The following CADPS variants were observed in gnomAD, a reference collection of about 807,000 sequenced individuals.
CADPS encodes calcium dependent secretion activator, also known as calcium-dependent secretion activator 1.
Under a neutral mutation model 167.3 loss-of-function variants are expected in CADPS, and 57 were observed. The ratio of observed to expected loss-of-function variants is 0.34; its 90% CI spans 0.28 to 0.42. The LOEUF is 0.42. CADPS is among the 20% of genes least tolerant of loss of function. The pLI is 1.00. For missense variants in CADPS, 1,414 were observed against 1,738.1 expected, an observed-to-expected ratio of 0.81 and a Z score of 3.32; for synonymous variants, 676 against 635.3, an observed-to-expected ratio of 1.06 and a Z score of -0.96.
Position 62,801,022 on chromosome 3 carries a change from T to G in CADPS, c.442-35038A>C, listed in dbSNP as rs1235985582. On this transcript the variant is annotated intron_variant, in intron 1 of 29. Transcript: ENST00000383710. ...TAAGAGTAGAGTCAAGTCAGTCAAA[T>G]GGATCTTGATTTAAGTCCTGGTTTC... is the stretch of plus-strand genomic sequence containing the variant. Among the ~76,000 whole-genome samples, 5 of 152,260 alleles carry G rather than the reference T, an allele frequency of 3.3e-5. No individual in the cohort carries two copies. The East Asian group carries it at 9.7e-4, about 29-fold the overall frequency.
In CADPS at chr3:62,478,254, T is replaced by C. The variant is rs780329307; in HGVS notation, c.3329+7A>G. Reference sequence around the variant, plus strand: ...TGTGCAGAACCTGTCCAGCCACCTATACTTACCTTTTGACACAAGATTCGA... The same window carrying C: ...TGTGCAGAACCTGTCCAGCCACCTACACTTACCTTTTGACACAAGATTCGA... On this transcript the variant is annotated splice_region_variant and intron_variant, in intron 23 of 29. Transcript: ENST00000383710. The surrounding 1 kb of genome is among the most constrained non-coding windows in gnomAD (Gnocchi z 5.7). 2 of 1,613,580 alleles carry C rather than the reference T, an allele frequency of 1.2e-6. No homozygotes were observed. The highest frequency in any genetic ancestry group is 1.3e-5 in the African/African-American group (1 of 75,022).
chr3:62,820,484 A>T (rs2094850523), intron 1 of CADPS, among the ~76,000 whole-genome samples: 1 of 152,092 alleles, frequency 6.6e-6, no homozygotes, highest in Non-Finnish European at 1.5e-5. Context: ...TTCAGAGCCT[A>T]CTGTATGAAG....
At chr3:62,827,459 G>T (rs2074276584) in intron 1 of CADPS, among the ~76,000 whole-genome samples, 1 of 152,144 alleles carries the variant, frequency 6.6e-6, no homozygotes, top group Non-Finnish European at 1.5e-5. Context: ...AGATAACTGA[G>T]GATTTGAAAA....
chr3:62,621,375 G>A (rs148879339), intron 6 of CADPS, among the ~76,000 whole-genome samples: 4 of 152,056 alleles, frequency 2.6e-5, no homozygotes, highest in Non-Finnish European at 5.9e-5. Flanking sequence ...GGAATGTTTA[G>A]TGGGTTGGCA....
At chr3:62,476,297 C>G (rs1400604051) in intron 23 of CADPS, among the ~76,000 whole-genome samples, 1 of 152,184 alleles carries the variant, frequency 6.6e-6, no homozygotes, top group Non-Finnish European at 1.5e-5. Flanking sequence ...CTAGGCTCTT[C>G]TAATGTAGAT....
chr3:62,419,950 A>G (rs1176336529), intron 28 of CADPS, among the ~76,000 whole-genome samples: 1 of 152,146 alleles, frequency 6.6e-6, no homozygotes, highest in Non-Finnish European at 1.5e-5. Flanking sequence ...GAATCATTAG[A>G]GTTTTGTGAG....
At chr3:62,860,012 A>T (rs994958479) in intron 1 of CADPS, among the ~76,000 whole-genome samples, 1 of 152,140 alleles carries the variant, frequency 6.6e-6, no homozygotes, top group African/African-American at 2.4e-5. Context: ...CCCACTGCCT[A>T]CCAAATAAAG....
intron 28 of CADPS, among the ~76,000 whole-genome samples, chr3:62,405,160 T>A (rs368831589): frequency 6.7e-6 from 1 of 148,412 alleles, no homozygotes; most frequent in African/African-American, 2.5e-5. Context: ...GCTCAACAGA[T>A]CTATTTTGAG....
At chr3:62,750,084 G>A (rs1483876756) in intron 3 of CADPS, among the ~76,000 whole-genome samples, 2 of 152,128 alleles carry the variant, frequency 1.3e-5, no homozygotes, top group African/African-American at 2.4e-5. Context: ...AGGCACGGTG[G>A]CTCATGCCTA....
chr3:62,752,804 A>G (rs2082988797), intron 3 of CADPS, among the ~76,000 whole-genome samples: 1 of 152,228 alleles, frequency 6.6e-6, no homozygotes, highest in African/African-American at 2.4e-5. Context: ...GGCACGTAAT[A>G]AATATTTGTT....
intron 5 of CADPS, among the ~76,000 whole-genome samples, chr3:62,646,686 C>G (rs926665489): frequency 6.6e-6 from 1 of 152,212 alleles, no homozygotes; most frequent in African/African-American, 2.4e-5. Context: ...CTGAAGGGAG[C>G]AGCTGCCAGT....
At chr3:62,686,799 C>CA (rs1195992435) in intron 3 of CADPS, among the ~76,000 whole-genome samples, 2 of 152,082 alleles carry the variant, frequency 1.3e-5, no homozygotes, top group African/African-American at 4.8e-5. Flanking sequence ...TTTTATTTAA[C>CA]ATTATGCATT....
chr3:62,409,453 G>A (rs1042757424), intron 28 of CADPS, among the ~76,000 whole-genome samples: 2 of 152,246 alleles, frequency 1.3e-5, no homozygotes, highest in Admixed American at 1.3e-4. Context: ...AAGTTGCTAA[G>A]CAGAGTGTGG....
chr3:62,525,721 G>A (rs985358032), intron 13 of CADPS, among the ~76,000 whole-genome samples: 8 of 148,984 alleles, frequency 5.4e-5, no homozygotes, highest in Non-Finnish European at 9.0e-5. Context: ...GTGTGTCTGT[G>A]TGTCTGTGTA....
intron 6 of CADPS, among the ~76,000 whole-genome samples, chr3:62,639,775 C>T (rs1389085640): frequency 2.6e-5 from 4 of 152,084 alleles, no homozygotes; most frequent in Non-Finnish European, 4.4e-5. Context: ...TGTAAGTTGT[C>T]GGCCCTGCCC....
In CADPS at chr3:62,721,039, A is replaced by G. The variant is rs113335892; in HGVS notation, c.888+32402T>C. ...TCACTGCATTAGCCAGGATGGTATCAATCTCCTGACCTCGTGATCTGCCTA... is the reference window on the plus strand; with the variant it reads ...TCACTGCATTAGCCAGGATGGTATCGATCTCCTGACCTCGTGATCTGCCTA... On this transcript the variant is annotated intron_variant, in intron 3 of 29. Transcript: ENST00000383710. Among the ~76,000 whole-genome samples, 297 of 149,890 alleles carry G rather than the reference A, an allele frequency of 2.0e-3. 1 individual carries two copies. The highest frequency in any genetic ancestry group is 6.8e-3 in the African/African-American group (277 of 40,532).
At chr3:62,736,312 TC>T (rs2078991365) in intron 3 of CADPS, among the ~76,000 whole-genome samples, 1 of 152,146 alleles carries the variant, frequency 6.6e-6, no homozygotes, top group South Asian at 2.1e-4. Context: ...TGATACCATT[TC>T]CCCAAAACAT....
intron 6 of CADPS, among the ~76,000 whole-genome samples, chr3:62,629,926 A>G (rs555064134): frequency 7.9e-5 from 12 of 152,252 alleles, no homozygotes; most frequent in African/African-American, 2.6e-4. Context: ...TAGCTCCTCT[A>G]TAAGGAGGTA....
In CADPS at chr3:62,514,888, G is replaced by C. The variant is rs947075737; in HGVS notation, c.2581+1171C>G. Reference sequence around the variant, plus strand: ...AACGACCTCTTGTTCCTCTATTTTTGTCACTCATTACCAAGTCAAGAGTTG... The same window carrying C: ...AACGACCTCTTGTTCCTCTATTTTTCTCACTCATTACCAAGTCAAGAGTTG... On this transcript the variant is annotated intron_variant, in intron 16 of 29. Coordinates refer to ENST00000383710, the MANE Select transcript of CADPS (RefSeq NM_003716.4). This position sits in a 1 kb window ranked among gnomAD's most constrained non-coding sequence, Gnocchi z 4.2. Among the ~76,000 whole-genome samples the C allele has an allele frequency of 6.6e-6, 1 of 151,992 alleles. No homozygotes were observed. The highest frequency in any genetic ancestry group is 2.4e-5 in the African/African-American group (1 of 41,394).
Sources: allele counts gnomAD v4.1 joint callset (sites outside exome capture counted in the v4.1 genomes callset), GRCh38; gene constraint gnomAD v4.1.1; non-coding constraint Gnocchi (gnomAD v3.1); transcripts MANE v1.5; gene names NCBI Gene and HGNC (gene_info 2026-07-23, HGNC 2026-07-21).